CDH26: variants seen among roughly 807,000 people sequenced by gnomAD.
CDH26 encodes the protein cadherin 26.
CDH26 carries 83 observed loss-of-function variants against 90.3 expected under a neutral mutation model. The observed-to-expected ratio is 0.92, with a 90% CI of 0.77 to 1.10. The LOEUF (loss-of-function observed/expected upper bound fraction) is 1.10. CDH26 is among the 50% of genes least tolerant of loss of function. The pLI is 0.00. For missense variants in CDH26, 1,013 were observed against 1,037.6 expected (o/e 0.98, Z 0.33); for synonymous variants, 397 against 396.3 (o/e 1.00, Z -0.02).
chr20:60,024,010 C>G (rs188154752), intron 7 of CDH26, among the ~76,000 whole-genome samples: 23 of 151,738 alleles, frequency 1.5e-4, no homozygotes, highest in African/African-American at 4.4e-4. Flanking sequence ...AGCATGGAGG[C>G]CCATAAGGAA....
intron 9 of CDH26, among the ~76,000 whole-genome samples, chr20:59,991,190 C>T (rs888527782): frequency 2.6e-5 from 4 of 152,262 alleles, no homozygotes; most frequent in East Asian, 1.9e-4. Context: ...CTGGGGATCC[C>T]TTTAGGCACC....
chr20:59,985,381 G>A (rs1430866921), intron 7 of CDH26, among the ~76,000 whole-genome samples: 3 of 152,104 alleles, frequency 2.0e-5, no homozygotes, highest in Admixed American at 6.5e-5. Context: ...GCGGAAGGAC[G>A]GGGGGAGCAG....
chr20:60,016,909 G>A (rs2061910000), downstream of CDH26, among the ~76,000 whole-genome samples: 1 of 152,046 alleles, frequency 6.6e-6, no homozygotes, highest in Non-Finnish European at 1.5e-5. Flanking sequence ...TTGATGTGAT[G>A]TATCATGTGT....
chr20:60,017,514 C>T (rs748403426), downstream of CDH26, among the ~76,000 whole-genome samples: 20 of 152,012 alleles, frequency 1.3e-4, no homozygotes, highest in South Asian at 4.1e-4. Flanking sequence ...CTTAGTCTAG[C>T]TAATGGTTTG....
chr20:59,970,552 T>C (rs2061246560), intron 3 of CDH26, among the ~76,000 whole-genome samples: 1 of 151,404 alleles, frequency 6.6e-6, no homozygotes, highest in Non-Finnish European at 1.5e-5. Flanking sequence ...GGCTCACGCC[T>C]GTAATCCCAG....
chr20:60,002,768 T>G (rs549979087), intron 15 of CDH26, 45 bp from the exon 16 acceptor site: 1 of 1,484,210 alleles, frequency 6.7e-7, no homozygotes, highest in African/African-American at 1.4e-5. Context: ...TTTGCATCCT[T>G]TGGTAATTTA....
chr20:60,030,396 T>A lies in CDH26; in HGVS notation c.948-835T>A, dbSNP rs1423171071. ...TCTGGGTTTTTTTTTGTTTGCTTTT[T>A]TTTGTTTTGTTTTGTTTTTGTTTTT... On this transcript the variant is annotated intron_variant, in intron 7 of 8. Transcript: ENST00000370991. The surrounding 1 kb of genome is among the most constrained non-coding windows in gnomAD (Gnocchi z 4.0). Among the ~76,000 whole-genome samples, 1 of 152,160 alleles carries A rather than the reference T, an allele frequency of 6.6e-6. No individual in the cohort carries two copies. Among genetic ancestry groups the A allele is most frequent in the East Asian group, 1.9e-4 (1 of 5,196 alleles).
At chr20:59,990,397 C>T (rs114645236) in intron 9 of CDH26, among the ~76,000 whole-genome samples, 2,353 of 152,202 alleles carry the variant, frequency 0.015, 62 homozygotes, top group African/African-American at 0.052. Context: ...CCCCTTCTCT[C>T]TCCAGGCTGA....
intron 2 of CDH26, 150 bp from the exon 3 acceptor site, chr20:59,969,932 G>T: frequency 1.7e-6 from 2 of 1,164,272 alleles, no homozygotes; most frequent in Non-Finnish European, 1.2e-6. Context: ...CAGGCACTTG[G>T]GTTTTCCAAG....
At chr20:59,988,264 A>G (rs1232561058) in intron 8 of CDH26, among the ~76,000 whole-genome samples, 1 of 152,160 alleles carries the variant, frequency 6.6e-6, no homozygotes, top group Non-Finnish European at 1.5e-5. Context: ...CAGTGCCTCT[A>G]GTCTTCATTG....
chr20:60,032,965 A>T (rs191186019), intron 8 of CDH26, among the ~76,000 whole-genome samples: 69 of 151,958 alleles, frequency 4.5e-4, no homozygotes, highest in Admixed American at 1.4e-3. Context: ...AACCTGCACA[A>T]TGTGCACATG....
chr20:59,981,576 C>T lies in CDH26; in HGVS notation c.394-1347C>T, dbSNP rs570363580. Among the ~76,000 whole-genome samples, 21 of 152,120 alleles carry T rather than the reference C, an allele frequency of 1.4e-4. No homozygotes were observed. In the East Asian group the frequency reaches 1.9e-3, roughly 14 times the overall value. On this transcript the variant is annotated intron_variant, in intron 4 of 17. Transcript: ENST00000348616. Reference sequence around the variant, plus strand: ...TTGTGACATTGCTGAAATTGATTTTCGAAAGTTGAATCAGCCTAAAATTCT... The same window carrying T: ...TTGTGACATTGCTGAAATTGATTTTTGAAAGTTGAATCAGCCTAAAATTCT...
chr20:59,961,464 AC>A lies in CDH26; in HGVS notation c.69+2670del, dbSNP rs1364644630. ...GGACCTTTAACTCTTAAAGAGCTTT[AC>A]ACCTGGCAGGTGCTCAATAATTGTC... On this transcript the variant is annotated intron_variant, in intron 1 of 17. Transcript: ENST00000348616. Among the ~76,000 whole-genome samples the A allele has an allele frequency of 2.0e-5, 3 of 152,216 alleles. No homozygotes were observed. The East Asian group carries it at 5.8e-4, about 29-fold the overall frequency.
chr20:59,959,156 A>G (rs2061035362), intron 1 of CDH26, among the ~76,000 whole-genome samples: 1 of 152,054 alleles, frequency 6.6e-6, no homozygotes, highest in Non-Finnish European at 1.5e-5. Context: ...GCTGGAGTGC[A>G]GTGGCATGAT....
At chr20:59,969,127 G>A (rs1194633903) in intron 2 of CDH26, 104 bp downstream of exon 2, 5 of 697,232 alleles carry the variant, frequency 7.2e-6, no homozygotes, top group Admixed American at 4.4e-5. Flanking sequence ...CCAATGTTTG[G>A]TTTGCAGAAA....
Position 59,972,099 on chromosome 20 carries a change from T to G in CDH26, c.369T>G (p.Asp123Glu). The change falls in exon 4 of 18, where the codon GAT becomes GAG. Residue 123 changes from aspartate to glutamate, a missense_variant. Asp to Glu is a conservative substitution (Grantham distance 45). Transcript: ENST00000348616. ...GGATATATGTTCACCGCCCTGTCGA[T>G]CGAGAAATGACACCATCTTTCACGG... is the stretch of plus-strand genomic sequence containing the variant. Reference protein sequence around the residue: ...NGRIYVHRPVDREMTPSFTVY... With the variant: ...NGRIYVHRPVEREMTPSFTVY... The G allele has an allele frequency of 1.9e-6, 3 of 1,613,864 alleles. No homozygotes were observed. Among genetic ancestry groups the G allele is most frequent in the Non-Finnish European group, 1.7e-6 (2 of 1,179,946 alleles).
chr20:59,988,400 C>T lies in CDH26; in HGVS notation c.1024-504C>T, dbSNP rs573277659. Among the ~76,000 whole-genome samples, 7 of 152,312 alleles carry T rather than the reference C, an allele frequency of 4.6e-5. No individual in the cohort carries two copies. In the South Asian group the frequency reaches 1.2e-3, roughly 27 times the overall value. On this transcript the variant is annotated intron_variant, in intron 8 of 17. Transcript: ENST00000348616. ...GCCCAAGATTCGCCTGCCCATTTGACCAGCTCCCAGGGGATGCTGATGGCC... is the reference window on the plus strand; with the variant it reads ...GCCCAAGATTCGCCTGCCCATTTGATCAGCTCCCAGGGGATGCTGATGGCC...
chr20:59,970,860 G>A (rs2061253282), intron 3 of CDH26, among the ~76,000 whole-genome samples: 1 of 150,890 alleles, frequency 6.6e-6, no homozygotes, highest in Non-Finnish European at 1.5e-5. Flanking sequence ...AAATAAGGGA[G>A]ATTGTCTTAA....
chr20:60,003,355 A>G (rs532638213), intron 16 of CDH26, among the ~76,000 whole-genome samples: 1 of 152,368 alleles, frequency 6.6e-6, no homozygotes, highest in East Asian at 1.9e-4. Flanking sequence ...AATAGCCAAT[A>G]AAAATAATGA....
Sources: allele counts gnomAD v4.1 joint callset (sites outside exome capture counted in the v4.1 genomes callset), GRCh38; gene constraint gnomAD v4.1.1; non-coding constraint Gnocchi (gnomAD v3.1); transcripts MANE v1.5; gene names NCBI Gene and HGNC (gene_info 2026-07-23, HGNC 2026-07-21).